Variants in MIDEAS observed in about 807,000 individuals in gnomAD.
MIDEAS encodes the protein mitotic deacetylase-associated SANT domain protein.
A neutral mutation model predicts 102.7 loss-of-function variants in MIDEAS; 26 were observed. The ratio of observed to expected loss-of-function variants is 0.25; its 90% CI spans 0.19 to 0.35. The LOEUF is 0.35. MIDEAS is among the 10% of genes least tolerant of loss of function. MIDEAS has a pLI of 1.00. For missense variants in MIDEAS, 1,231 were observed against 1,435.6 expected (o/e 0.86, Z 2.30); for synonymous variants, 585 against 591.0 (o/e 0.99, Z 0.15).
chr14:73,722,406 G>A (rs761877300), intron 10 of MIDEAS: 1 of 217,686 alleles, frequency 4.6e-6, no homozygotes, highest in Non-Finnish European at 9.1e-6. Flanking sequence ...AAGAATGACT[G>A]AGGTTTGAGA....
At chr14:73,754,179 A>G (rs2053454290) in intron 1 of MIDEAS, among the ~76,000 whole-genome samples, 2 of 152,322 alleles carry the variant, frequency 1.3e-5, no homozygotes, top group South Asian at 4.1e-4. Flanking sequence ...AGCAACACAG[A>G]AGGGCTGTTT....
At position 73,719,420 on chromosome 14, in the gene MIDEAS, C is replaced by G; in HGVS notation, c.3019G>C (p.Glu1007Gln). ...AGGQASEKPR[E>Q]GTGKSRRALP... ...GCCCTTCGTGACTTCCCTGTCCCTT[C>G]CCTTGGCTTCTCCGAGGCCTGGCCA... The change falls in exon 12 of 13, where the codon GAA becomes CAA. Residue 1007 changes from glutamate to glutamine, a missense_variant. Coordinates refer to ENST00000423556, the MANE Select transcript of MIDEAS (RefSeq NM_001367710.1). 6.2e-7 allele frequency: 1 copy of G among 1,614,118 alleles called. No homozygotes were observed. Among genetic ancestry groups the G allele is most frequent in the Non-Finnish European group, 8.5e-7 (1 of 1,180,032 alleles).
At position 73,715,621 on chromosome 14, in the gene MIDEAS, T is replaced by C. The variant is rs1027078451; in HGVS notation, c.*3222A>G. 6.6e-6 allele frequency: 1 copy of C among 152,466 alleles called. No homozygotes were observed. The highest frequency in any genetic ancestry group is 1.5e-5 in the Non-Finnish European group (1 of 68,032). 9.4% of individuals were successfully genotyped at this position (152,466 alleles called of 1,614,324 possible). ...CACAATTGTTTTATAAAAATATCCC[T>C]ACTTCCTGTAAACCTATGGAGTTAG... On this transcript the variant is annotated 3_prime_UTR_variant, in exon 13 of 13. Coordinates refer to ENST00000423556, the MANE Select transcript of MIDEAS (RefSeq NM_001367710.1).
Position 73,727,500 on chromosome 14 carries a change from A to G in MIDEAS, c.2120T>C (p.Val707Ala), listed in dbSNP as rs2053078612. 4.3e-6 allele frequency: 7 copies of G among 1,613,442 alleles called. No homozygotes were observed. Among genetic ancestry groups the G allele is most frequent in the Non-Finnish European group, 5.9e-6 (7 of 1,179,670 alleles). Residue 707 changes from valine to alanine, a missense_variant, in exon 5 of 13, where the codon GTC (valine) becomes GCC (alanine). Val to Ala is a moderately conservative substitution (Grantham distance 64). Coordinates refer to ENST00000423556, the MANE Select transcript of MIDEAS (RefSeq NM_001367710.1). ...RTNSAEVTPP[V>A]LSVMGEATPV... ...GGTGGCCTCCCCCATCACAGAGAGG[A>G]CAGGCGGGGTTACTTCAGCACTGTC...
intron 1 of MIDEAS, among the ~76,000 whole-genome samples, chr14:73,785,893 G>A (rs2053803049): frequency 6.6e-6 from 1 of 152,192 alleles, no homozygotes; most frequent in Non-Finnish European, 1.5e-5. Flanking sequence ...TAGGGTTAAA[G>A]GGCAAAAAGA....
intron 1 of MIDEAS, among the ~76,000 whole-genome samples, chr14:73,778,652 G>C (rs2053714921): frequency 6.6e-6 from 1 of 151,916 alleles, no homozygotes; most frequent in Non-Finnish European, 1.5e-5. Context: ...GCTTCTTATA[G>C]TGGCCTGCAA....
upstream of MIDEAS, chr14:73,787,306 C>CGCCCCCGGCTCCGCGCGCCCCTG (rs2053824780): frequency 6.7e-6 from 1 of 149,460 alleles, no homozygotes; most frequent in Admixed American, 6.6e-5. Flanking sequence ...GCCCCGCCCG[C>CGCCCCCGGCTCCGCGCGCCCCTG]GCCCCCGGCT....
chr14:73,732,573 G>C (rs59340502), intron 3 of MIDEAS, among the ~76,000 whole-genome samples: 5,399 of 152,140 alleles, frequency 0.035, 327 homozygotes, highest in African/African-American at 0.12. Flanking sequence ...ATCACCTGAA[G>C]TCAGGAGTTG....
At chr14:73,750,522 G>C (rs2053407034) in intron 1 of MIDEAS, among the ~76,000 whole-genome samples, 1 of 152,212 alleles carries the variant, frequency 6.6e-6, no homozygotes, top group Non-Finnish European at 1.5e-5. Flanking sequence ...AGAGCCCAAA[G>C]GGTGTTGAGG....
intron 1 of MIDEAS, among the ~76,000 whole-genome samples, chr14:73,757,528 G>A (rs1471341982): frequency 1.3e-5 from 2 of 152,272 alleles, no homozygotes; most frequent in African/African-American, 4.8e-5. Flanking sequence ...TTCAGAAGAT[G>A]GCTACAGCCT....
rs141897267 is a variant in MIDEAS at position 73,727,231 on chromosome 14, T to C, written c.2162+227A>G. 3.4e-3 allele frequency: 2,150 copies of C among 628,460 alleles called. 2 individuals are homozygous for C. The highest frequency in any genetic ancestry group is 4.7e-3 in the Non-Finnish European group (1,726 of 364,630). 38.9% of individuals were successfully genotyped at this position (628,460 alleles called of 1,614,324 possible). A position where few individuals can be genotyped will look rare whatever the true frequency, so the allele number is the denominator to read the frequency against. On this transcript the variant is annotated intron_variant, in intron 5 of 12. Transcript: ENST00000423556. ...AGCCTCTGGACCCCCCTTTCAACTC[T>C]CCTAGAGATAAGTTCAAGCTGAGCC...
intron 4 of MIDEAS, chr14:73,727,845 A>T (rs1204420068): frequency 3.8e-6 from 1 of 263,762 alleles, no homozygotes; most frequent in East Asian, 8.8e-5. Flanking sequence ...TTCTACTACC[A>T]AAGCCATATC....
chr14:73,734,573 A>C, intron 3 of MIDEAS, among the ~76,000 whole-genome samples: 1 of 151,668 alleles, frequency 6.6e-6, no homozygotes, highest in East Asian at 1.9e-4. Flanking sequence ...ACACCCAGCT[A>C]ATCTTTTGTT....
intron 1 of MIDEAS, among the ~76,000 whole-genome samples, chr14:73,756,849 C>T (rs898464446): frequency 1.4e-4 from 22 of 152,220 alleles, no homozygotes; most frequent in African/African-American, 5.1e-4. Context: ...CAGAATCACC[C>T]ACGGTGGACT....
At chr14:73,761,331 G>A (rs1237719929), upstream of MIDEAS, among the ~76,000 whole-genome samples, 1 of 152,172 alleles carries the variant, frequency 6.6e-6, no homozygotes, top group African/African-American at 2.4e-5. Context: ...GTGGGGTGTG[G>A]AGGACACAGG....
At chr14:73,770,697 T>C (rs2053634782) in intron 1 of MIDEAS, among the ~76,000 whole-genome samples, 2 of 152,192 alleles carry the variant, frequency 1.3e-5, no homozygotes, top group Non-Finnish European at 2.9e-5. Context: ...ACTAATACCT[T>C]ATTTCAGCAA....
chr14:73,738,955 C>G lies in MIDEAS; in HGVS notation c.1054G>C (p.Glu352Gln). ...FPRRSRRLSKEGILPPSALDG... is the reference protein window; with the variant it reads ...FPRRSRRLSKQGILPPSALDG... The stretch of plus-strand genomic sequence containing the variant: ...AGGGCGCTGGGAGGCAGGATACCCT[C>G]CTTAGAGAGGCGGCGGGAGCGGCGG... Residue 352 changes from glutamate to glutamine, a missense_variant, in exon 2 of 13, where the codon GAG (glutamate) becomes CAG (glutamine). Glu to Gln is a conservative substitution (Grantham distance 29). This residue lies in a region of MIDEAS where 758 missense variants were observed against 856.0 expected (regional missense o/e 0.89). Coordinates refer to ENST00000423556, the MANE Select transcript of MIDEAS (RefSeq NM_001367710.1). 6.5e-7 allele frequency: 1 copy of G among 1,533,266 alleles called. No individual in the cohort carries two copies. The highest frequency in any genetic ancestry group is 8.8e-7 in the Non-Finnish European group (1 of 1,142,448). 95.0% of individuals were successfully genotyped at this position (1,533,266 alleles called of 1,614,324 possible). A position where few individuals can be genotyped will look rare whatever the true frequency, so the allele number is the denominator to read the frequency against.
intron 1 of MIDEAS, among the ~76,000 whole-genome samples, chr14:73,776,986 T>A (rs893754874): frequency 6.6e-6 from 1 of 151,620 alleles, no homozygotes; most frequent in South Asian, 2.1e-4. Flanking sequence ...CACAGAATAG[T>A]TTGAACCCGG....
Position 73,729,952 on chromosome 14 carries a change from G to C in MIDEAS, c.1783C>G (p.Pro595Ala), listed in dbSNP as rs75954487. Residue 595 changes from proline to alanine, a missense_variant, in exon 4 of 13, where the codon CCT becomes GCT. Pro to Ala is a conservative substitution (Grantham distance 27). Transcript: ENST00000423556. ...EDMNVKLEGE[P>A]SVRKPKQRPR... Reference sequence around the variant, plus strand: ...CGCTGCTTTGGTTTCCGCACGGAAGGCTCCCCCTCCAACTTGACATTCATG... The same window carrying C: ...CGCTGCTTTGGTTTCCGCACGGAAGCCTCCCCCTCCAACTTGACATTCATG... The C allele has an allele frequency of 1.2e-3, 1,903 of 1,600,928 alleles. 20 individuals carry two copies. In the African/African-American group the frequency reaches 0.022, roughly 18 times the overall value.
Sources: allele counts gnomAD v4.1 joint callset (sites outside exome capture counted in the v4.1 genomes callset), GRCh38; gene constraint gnomAD v4.1.1; regional missense constraint gnomAD v4.1.1; transcripts MANE v1.5; gene names NCBI Gene and HGNC (gene_info 2026-07-23, HGNC 2026-07-21).